MLLT10: variants seen among roughly 807,000 people sequenced by gnomAD.
MLLT10 encodes the protein MLLT10 histone lysine methyltransferase DOT1L cofactor, also known as protein AF-10.
In MLLT10, 30 loss-of-function variants were observed where a neutral mutation model predicts 129.1. The observed-to-expected ratio is 0.23, with a 90% CI of 0.17 to 0.32. MLLT10 has a LOEUF of 0.32. Among genes scored for constraint, MLLT10 ranks in the 10% least tolerant of loss-of-function variants. The pLI is 1.00. For synonymous variants in MLLT10, 490 were observed against 446.4 expected, an observed-to-expected ratio of 1.10 and a Z score of -1.23; for missense variants, 1,119 against 1,268.3, an observed-to-expected ratio of 0.88 and a Z score of 1.79.
intron 8 of MLLT10, among the ~76,000 whole-genome samples, chr10:21,629,384 T>C (rs1415318983): frequency 6.6e-6 from 1 of 152,194 alleles, no homozygotes; most frequent in Non-Finnish European, 1.5e-5. Flanking sequence ...TTTGATGGCA[T>C]ATTGTTATTT....
intron 15 of MLLT10, among the ~76,000 whole-genome samples, chr10:21,727,542 G>A (rs745770343): frequency 2.0e-5 from 3 of 152,228 alleles, no homozygotes; most frequent in Admixed American, 6.5e-5. Flanking sequence ...TACTTTAACC[G>A]TAGAAATTAA....
At chr10:21,697,849 C>T (rs557849886) in intron 13 of MLLT10, among the ~76,000 whole-genome samples, 10 of 152,274 alleles carry the variant, frequency 6.6e-5, no homozygotes, top group South Asian at 6.2e-4. Context: ...AAAGGGAAGA[C>T]CGATTAACAA....
At chr10:21,646,917 G>C (rs189130005) in intron 8 of MLLT10, among the ~76,000 whole-genome samples, 1 of 150,190 alleles carries the variant, frequency 6.7e-6, no homozygotes, top group African/African-American at 2.5e-5. Context: ...GTGCAGTGGC[G>C]TGATCTGGGC....
intron 13 of MLLT10, among the ~76,000 whole-genome samples, chr10:21,712,043 T>C (rs931968424): frequency 1.3e-5 from 2 of 152,206 alleles, no homozygotes. Context: ...AATGAATGCA[T>C]TGGCTAAATA....
chr10:21,690,673 T>TA (rs2053765604), intron 13 of MLLT10, among the ~76,000 whole-genome samples: 1 of 152,110 alleles, frequency 6.6e-6, no homozygotes, highest in African/African-American at 2.4e-5. Context: ...GTCCTGGAGT[T>TA]ACTGTTTGTG....
chr10:21,701,642 A>G (rs185324075), intron 13 of MLLT10, among the ~76,000 whole-genome samples: 36 of 152,288 alleles, frequency 2.4e-4, no homozygotes, highest in Middle Eastern at 6.8e-3. Flanking sequence ...GCTGGAGTGC[A>G]GTAATGCGAT....
chr10:21,728,572 T>C lies in MLLT10; in HGVS notation c.2063+644T>C, dbSNP rs180805748. Among the ~76,000 whole-genome samples the C allele has an allele frequency of 2.0e-5, 3 of 152,310 alleles. No homozygotes were observed. The East Asian group carries it at 5.8e-4, about 29-fold the overall frequency. ...TGGAACTTTGGTGATAGCTATCTCC[T>C]TATTAATTTTATTTCCCTTCTGTGC... On this transcript the variant is annotated intron_variant, in intron 16 of 22. Transcript: ENST00000307729.
rs1330409698 is a variant in MLLT10 at position 21,734,048 on chromosome 10, T to G, written c.2777T>G (p.Met926Arg). The part of the protein sequence containing the change: ...LNGVMQTPVT[M>R]SQNPTPLTHT... ...GGGGTTATGCAGACTCCTGTCACAATGTCCCAGAACCCTACCCCTCTCACC... is the reference window on the plus strand; with the variant it reads ...GGGGTTATGCAGACTCCTGTCACAAGGTCCCAGAACCCTACCCCTCTCACC... Residue 926 changes from methionine (M) to arginine (R), a missense_variant, in exon 20 of 23, where the codon ATG (methionine) becomes AGG (arginine). Transcript: ENST00000307729. 2 of 1,614,168 alleles carry G rather than the reference T, an allele frequency of 1.2e-6. No homozygotes were observed. Among genetic ancestry groups the G allele is most frequent in the Non-Finnish European group, 1.7e-6 (2 of 1,180,020 alleles).
intron 5 of MLLT10, among the ~76,000 whole-genome samples, chr10:21,600,299 T>G (rs2043400728): frequency 6.6e-6 from 1 of 151,912 alleles, no homozygotes; most frequent in Admixed American, 6.6e-5. Context: ...TAGACTGTAT[T>G]AGAGTTACAG....
At chr10:21,673,953 A>C in intron 11 of MLLT10, 34 bp downstream of exon 11, 1 of 1,471,658 alleles carries the variant, frequency 6.8e-7, no homozygotes, top group Non-Finnish European at 9.1e-7. Flanking sequence ...TTTCTCCTTC[A>C]CTCCCACCAC....
chr10:21,536,579 A>T (rs1041868760), intron 2 of MLLT10, among the ~76,000 whole-genome samples: 8 of 152,030 alleles, frequency 5.3e-5, no homozygotes, highest in Admixed American at 5.2e-4. Context: ...ACATTTTACA[A>T]ATTCTGTTTT....
chr10:21,640,159 C>G (rs1267323966), intron 8 of MLLT10, among the ~76,000 whole-genome samples: 7 of 144,072 alleles, frequency 4.9e-5, no homozygotes, highest in Admixed American at 1.4e-4. Context: ...TATATGTATA[C>G]ATATATATTA....
intron 21 of MLLT10, chr10:21,738,341 T>G (rs2131592629): frequency 1.7e-6 from 2 of 1,173,504 alleles, no homozygotes; most frequent in Non-Finnish European, 2.2e-6. Context: ...CATCTTAATA[T>G]GAGCACTAAA....
At chr10:21,583,479 G>GT (rs1342761947) in intron 3 of MLLT10, among the ~76,000 whole-genome samples, 6 of 152,154 alleles carry the variant, frequency 3.9e-5, no homozygotes, top group Non-Finnish European at 7.4e-5. Flanking sequence ...GTATTAGCCT[G>GT]TTTCAGGTTA....
chr10:21,543,680 T>C (rs918307165), intron 3 of MLLT10, among the ~76,000 whole-genome samples: 2 of 152,096 alleles, frequency 1.3e-5, no homozygotes, highest in African/African-American at 2.4e-5. Context: ...GGTTTCTTCA[T>C]GTTGGTCAGA....
intron 13 of MLLT10, among the ~76,000 whole-genome samples, chr10:21,703,016 G>A (rs894832981): frequency 3.3e-5 from 5 of 151,924 alleles, no homozygotes; most frequent in Non-Finnish European, 5.9e-5. Flanking sequence ...TGTCGTTGTG[G>A]TTTTGTGGTT....
intron 9 of MLLT10, among the ~76,000 whole-genome samples, chr10:21,657,254 A>G (rs1020076802): frequency 2.6e-5 from 4 of 152,040 alleles, no homozygotes; most frequent in African/African-American, 9.7e-5. Flanking sequence ...TTAGCTGGGC[A>G]TGGTGGCATG....
chr10:21,727,906 C>T lies in MLLT10; in HGVS notation c.2041C>T (p.Pro681Ser). ...CAACCTAGTTGGCAGAGGAAGCTCA[C>T]CCCGAGGAAGTCTCTCGCCACGGTA... ...SRNLVGRGSS[P>S]RGSLSPRSPV... is the part of the protein sequence containing the mutation. Residue 681 changes from proline (P) to serine (S), a missense_variant, in exon 16 of 23, where the codon CCC becomes TCC. Coordinates refer to ENST00000307729, the MANE Select transcript of MLLT10 (RefSeq NM_001195626.3). The T allele has an allele frequency of 6.2e-7, 1 of 1,614,022 alleles. No individual in the cohort carries two copies.
intron 4 of MLLT10, among the ~76,000 whole-genome samples, chr10:21,589,324 G>GTT (rs201960289): frequency 2.0e-4 from 27 of 133,648 alleles, no homozygotes; most frequent in East Asian, 8.7e-4. Context: ...CTATTCCAAA[G>GTT]TTTTTTTTTT....
Sources: gnomAD v4.1 joint callset for allele counts (sites outside exome capture counted in the v4.1 genomes callset) on GRCh38, gnomAD v4.1.1 for gene constraint, MANE v1.5 for transcripts, NCBI Gene and HGNC (gene_info 2026-07-23, HGNC 2026-07-21) for gene names.